The following SCNN1A variants were observed in gnomAD, a reference collection of about 807,000 sequenced individuals.
The protein encoded by SCNN1A is sodium channel epithelial 1 subunit alpha.
Under a neutral mutation model 68.6 loss-of-function variants are expected in SCNN1A, and 65 were observed. That is an observed-to-expected ratio of 0.95 (90% CI 0.78 to 1.16). The LOEUF is 1.16. Among genes scored for constraint, SCNN1A ranks in the 50% most tolerant of loss-of-function variants. The pLI, the probability that SCNN1A is intolerant of heterozygous loss-of-function variation, is 0.00. For missense variants in SCNN1A, 880 were observed against 865.9 expected, an observed-to-expected ratio of 1.02 and a Z score of -0.20; for synonymous variants, 357 against 353.3, an observed-to-expected ratio of 1.01 and a Z score of -0.12.
chr12:6,354,377 A>G, intron 8 of SCNN1A, 61 bp downstream of exon 8: 1 of 1,094,936 alleles, frequency 9.1e-7, no homozygotes, highest in South Asian at 1.2e-5. Context: ...ACTGAGAGGA[A>G]AAAGTGCCTC....
intron 4 of SCNN1A, among the ~76,000 whole-genome samples, chr12:6,357,863 C>A (rs894956337): frequency 6.6e-6 from 1 of 152,096 alleles, no homozygotes; most frequent in East Asian, 1.9e-4. Context: ...CCGGGCACGG[C>A]GGCACATGCC....
chr12:6,349,700 C>A, intron 8 of SCNN1A: 1 of 310,004 alleles, frequency 3.2e-6, no homozygotes, highest in Non-Finnish European at 6.1e-6. Context: ...CAGAGTGAGA[C>A]CTTGTCTCTA....
chr12:6,348,635 GC>G (rs1409434855), intron 12 of SCNN1A, 91 bp downstream of exon 12: 2 of 1,115,880 alleles, frequency 1.8e-6, no homozygotes, highest in Non-Finnish European at 2.7e-6. Context: ...GAGCCTTCTG[GC>G]CCACAGAGAC....
chr12:6,349,085 C>T (rs1948321361), intron 10 of SCNN1A, 79 bp downstream of exon 10: 3 of 1,601,112 alleles, frequency 1.9e-6, no homozygotes, highest in Non-Finnish European at 1.7e-6. Flanking sequence ...CAAACACACT[C>T]ATACACATAA....
intron 4 of SCNN1A, among the ~76,000 whole-genome samples, chr12:6,358,249 T>G (rs1217459986): frequency 6.6e-6 from 1 of 152,178 alleles, no homozygotes; most frequent in Non-Finnish European, 1.5e-5. Flanking sequence ...TTACAGGGAT[T>G]CATTAAGATG....
At chr12:6,371,649 T>C (rs1276223008) in intron 2 of SCNN1A, among the ~76,000 whole-genome samples, 1 of 151,928 alleles carries the variant, frequency 6.6e-6, no homozygotes, top group African/African-American at 2.4e-5. Flanking sequence ...GTTACTTAAC[T>C]CTCTGGGACT....
intron 2 of SCNN1A, among the ~76,000 whole-genome samples, chr12:6,365,956 G>A (rs1023056749): frequency 6.6e-6 from 1 of 151,708 alleles, no homozygotes; most frequent in African/African-American, 2.4e-5. Context: ...CCGGGTTCAC[G>A]CCATTCTCCT....
chr12:6,355,479 A>T, intron 5 of SCNN1A, 44 bp from the exon 6 acceptor site: 1 of 1,603,504 alleles, frequency 6.2e-7, no homozygotes, highest in African/African-American at 1.3e-5. Flanking sequence ...CGGGAATCCT[A>T]GAAAAGAGTT....
chr12:6,350,406 C>T (rs1948363627), intron 8 of SCNN1A, among the ~76,000 whole-genome samples: 2 of 150,040 alleles, frequency 1.3e-5, no homozygotes, highest in Non-Finnish European at 3.0e-5. Flanking sequence ...CACACTCTAG[C>T]CTGGGCGACT....
chr12:6,349,200 A>G lies in SCNN1A; in HGVS notation c.1461T>C (p.Ser487=). The change falls in exon 10 of 13, where the codon TCT becomes TCC. Residue 487 remains serine, a synonymous_variant. Coordinates refer to ENST00000228916, the MANE Select transcript of SCNN1A (RefSeq NM_001038.6). ...KPCSVTSYQL[S]AGYSRWPSVT... The stretch of plus-strand genomic sequence containing the variant: ...CCGAGGGCCATCGTGAGTAACCAGC[A>G]GAGAGCTGGTAGCTGGTCACGCTGG... 6.2e-7 allele frequency: 1 copy of G among 1,614,108 alleles called. No homozygotes were observed. The highest frequency in any genetic ancestry group is 1.3e-5 in the African/African-American group (1 of 75,050).
chr12:6,353,582 T>A (rs1948427087), intron 8 of SCNN1A: 1 of 150,386 alleles, frequency 6.6e-6, no homozygotes, highest in South Asian at 2.1e-4. Context: ...TATTTTTATT[T>A]ATTTATTTTA....
intron 2 of SCNN1A, among the ~76,000 whole-genome samples, chr12:6,371,212 G>T (rs559388979): frequency 5.3e-5 from 8 of 151,948 alleles, no homozygotes; most frequent in Non-Finnish European, 7.4e-5. Context: ...CTCATCAACC[G>T]ATCTCCTCGG....
Position 6,374,846 on chromosome 12 carries a change from G to GC in SCNN1A, c.-54-10dup, listed in dbSNP as rs754450034. On this transcript the variant is annotated splice_polypyrimidine_tract_variant and intron_variant, in intron 1 of 12. Transcript: ENST00000228916. This position sits in a 1 kb window ranked among gnomAD's most constrained non-coding sequence, Gnocchi z 6.2. ...TCCTCCAGCTTGTTCCCCTTCATGA[G>GC]CCCCGGAGTGGATTGGGGAGAGCAA... 6 of 1,614,008 alleles carry GC rather than the reference G, an allele frequency of 3.7e-6. No individual in the cohort carries two copies. Among genetic ancestry groups the GC allele is most frequent in the Non-Finnish European group, 4.2e-6 (5 of 1,180,036 alleles).
chr12:6,364,604 T>A (rs75100679), intron 2 of SCNN1A, among the ~76,000 whole-genome samples: 2 of 147,542 alleles, frequency 1.4e-5, no homozygotes, highest in Admixed American at 6.8e-5. Context: ...AAAAAAAAAA[T>A]ACAAAAAATT....
chr12:6,365,869 A>AT (rs554653729), intron 2 of SCNN1A, among the ~76,000 whole-genome samples: 470 of 148,860 alleles, frequency 3.2e-3, no homozygotes, highest in Admixed American at 4.1e-3. Flanking sequence ...ACAGACCTAC[A>AT]TTTTTTTTTT....
rs1485697274 is a variant in SCNN1A, at chr12:6,372,737, G to A, written c.416+1631C>T. On this transcript the variant is annotated intron_variant, in intron 2 of 12. Coordinates refer to ENST00000228916, the MANE Select transcript of SCNN1A (RefSeq NM_001038.6). This position sits in a 1 kb window ranked among gnomAD's most constrained non-coding sequence, Gnocchi z 5.8. ...CCCCTCCACCAAGGCCTAAAGGGGT[G>A]AAGATGTCTGCAGGCAGCAGGGGGA... 1.3e-5 allele frequency among the ~76,000 whole-genome samples: 2 copies of A among 151,466 alleles called. No homozygotes were observed. The highest frequency in any genetic ancestry group is 1.3e-4 in the Admixed American group (2 of 15,228).
chr12:6,364,466 T>C (rs927706005), intron 2 of SCNN1A, among the ~76,000 whole-genome samples: 1 of 151,932 alleles, frequency 6.6e-6, no homozygotes, highest in African/African-American at 2.4e-5. Context: ...AAAAATTAAT[T>C]GCATTTAGGC....
At chr12:6,363,873 A>T in intron 2 of SCNN1A, 163 bp from the exon 3 acceptor site, 5 of 439,494 alleles carry the variant, frequency 1.1e-5, no homozygotes, top group East Asian at 4.6e-5. Flanking sequence ...CCGGCGGTGA[A>T]GGGTAAACAG....
rs531799354 is a variant in SCNN1A at position 6,372,728 on chromosome 12, T to TTCACCCTTCACC, written c.416+1639_416+1640insGGTGAAGGGTGA. 4.7e-3 allele frequency among the ~76,000 whole-genome samples: 708 copies of TTCACCCTTCACC among 152,116 alleles called. 6 individuals are homozygous for TTCACCCTTCACC. Among genetic ancestry groups the TTCACCCTTCACC allele is most frequent in the African/African-American group, 0.016 (651 of 41,490 alleles). On this transcript the variant is annotated intron_variant, in intron 2 of 12. Transcript: ENST00000228916. This position sits in a 1 kb window ranked among gnomAD's most constrained non-coding sequence, Gnocchi z 5.8. ...TGGGTCCCTCCCCTCCACCAAGGCC[T>TTCACCCTTCACC]AAAGGGGTGAAGATGTCTGCAGGCA...
Sources: gnomAD v4.1 joint callset for allele counts (sites outside exome capture counted in the v4.1 genomes callset) on GRCh38, gnomAD v4.1.1 for gene constraint, Gnocchi (gnomAD v3.1) non-coding constraint, MANE v1.5 for transcripts, NCBI Gene and HGNC (gene_info 2026-07-23, HGNC 2026-07-21) for gene names.